The following PROM1 variants were observed in gnomAD, a reference collection of about 807,000 sequenced individuals.
PROM1 encodes the protein prominin 1, also known as prominin-1.
In PROM1, 105 loss-of-function variants were observed where a neutral mutation model predicts 116.9. The ratio of observed to expected loss-of-function variants is 0.90; its 90% CI spans 0.77 to 1.06. The LOEUF (loss-of-function observed/expected upper bound fraction) is 1.06. Among genes scored for constraint, PROM1 ranks in the 50% least tolerant of loss-of-function variants. The probability of loss-of-function intolerance (pLI) is 0.00; values close to 1 mark genes in which losing one functional copy is unlikely to be tolerated. For missense variants in PROM1, 1,122 were observed against 1,045.2 expected, an observed-to-expected ratio of 1.07 and a Z score of -1.01; for synonymous variants, 393 against 387.0, an observed-to-expected ratio of 1.02 and a Z score of -0.18.
chr4:16,051,631 G>T (rs931101400), intron 2 of PROM1, among the ~76,000 whole-genome samples: 2 of 152,174 alleles, frequency 1.3e-5, no homozygotes, highest in African/African-American at 4.8e-5. Context: ...GATGTGCTTT[G>T]TGAGTTCAGA....
chr4:16,030,702 T>A (rs1240269170), intron 5 of PROM1, among the ~76,000 whole-genome samples: 3 of 152,150 alleles, frequency 2.0e-5, no homozygotes, highest in African/African-American at 7.2e-5. Flanking sequence ...ATAACATGCA[T>A]AACACATAAC....
intron 2 of PROM1, among the ~76,000 whole-genome samples, chr4:16,072,863 A>AC: frequency 6.6e-6 from 1 of 152,266 alleles, no homozygotes; most frequent in East Asian, 1.9e-4. Flanking sequence ...AGCTGATGCC[A>AC]CCCAGATAGA....
chr4:15,993,530 C>T (rs1367819644), intron 16 of PROM1, among the ~76,000 whole-genome samples: 1 of 152,104 alleles, frequency 6.6e-6, no homozygotes, highest in Non-Finnish European at 1.5e-5. Flanking sequence ...CACTGGAGTC[C>T]TGGGGCCACC....
intron 26 of PROM1, among the ~76,000 whole-genome samples, chr4:15,976,930 C>T (rs115377077): frequency 0.016 from 2,457 of 152,290 alleles, 57 homozygotes; most frequent in African/African-American, 0.056. Flanking sequence ...GGCAGTGCTG[C>T]TCCAGCCCTG....
intron 3 of PROM1, chr4:16,038,066 C>G (rs149941891): frequency 7.2e-4 from 109 of 152,268 alleles, no homozygotes; most frequent in African/African-American, 2.5e-3. Context: ...GTGAGAAGAG[C>G]GCCCACCCAT....
chr4:16,052,631 C>G (rs996617331), intron 2 of PROM1, among the ~76,000 whole-genome samples: 3 of 152,142 alleles, frequency 2.0e-5, no homozygotes, highest in African/African-American at 7.2e-5. Context: ...GTGCACAACA[C>G]CAACATGCCT....
chr4:16,008,347 G>C (rs931925090), intron 12 of PROM1, among the ~76,000 whole-genome samples: 2 of 152,122 alleles, frequency 1.3e-5, no homozygotes, highest in East Asian at 3.9e-4. Flanking sequence ...CCCACCACTC[G>C]CATTTTCTAA....
At chr4:15,979,297 G>A (rs1277575466) in intron 26 of PROM1, 98 bp downstream of exon 26, 2 of 1,573,734 alleles carry the variant, frequency 1.3e-6, no homozygotes, top group African/African-American at 2.7e-5. Context: ...ACAGAGAGAA[G>A]TGAAGGCATC....
At chr4:16,001,085 G>A (rs1723726109) in intron 13 of PROM1, among the ~76,000 whole-genome samples, 1 of 152,210 alleles carries the variant, frequency 6.6e-6, no homozygotes. Context: ...CATTGCAGAG[G>A]CTGTTATCAT....
intron 13 of PROM1, among the ~76,000 whole-genome samples, chr4:16,002,988 A>C (rs1009701697): frequency 6.6e-6 from 1 of 152,218 alleles, no homozygotes; most frequent in African/African-American, 2.4e-5. Flanking sequence ...AAAAAGAACA[A>C]GAATATGCGA....
chr4:16,015,156 G>A (rs1387524033), intron 10 of PROM1, among the ~76,000 whole-genome samples: 1 of 151,866 alleles, frequency 6.6e-6, no homozygotes, highest in Non-Finnish European at 1.5e-5. Context: ...GACCAGCCTG[G>A]CCAACATGGC....
At position 16,005,495 on chromosome 4, in the gene PROM1, G is replaced by GGTGT. The variant is rs3221933; in HGVS notation, c.1454+1039_1454+1042dup. ...GTGACCCAAAGTTTTTTGTTTGTTT[G>GGTGT]GTGTGTGTGTGTGTGTGTGTGTGTG... On this transcript the variant is annotated intron_variant, in intron 13 of 27. Transcript: ENST00000447510. Among the ~76,000 whole-genome samples, 313 of 145,894 alleles carry GGTGT rather than the reference G, an allele frequency of 2.1e-3. 1 individual carries two copies. The highest frequency in any genetic ancestry group is 2.6e-3 in the Non-Finnish European group (173 of 66,720).
chr4:15,993,614 A>G (rs574424482), intron 16 of PROM1, among the ~76,000 whole-genome samples: 1 of 152,330 alleles, frequency 6.6e-6, no homozygotes, highest in South Asian at 2.1e-4. Flanking sequence ...AGAGACTGGC[A>G]GAAAGGGAGG....
At chr4:15,994,121 C>T (rs779621935) in intron 15 of PROM1, 50 bp from the exon 16 acceptor site, 3 of 1,610,914 alleles carry the variant, frequency 1.9e-6, no homozygotes, top group Middle Eastern at 1.7e-4. Flanking sequence ...GTTGCAGCTA[C>T]CTCTGTCCAC....
chr4:15,988,908 C>T (rs1007712058), intron 19 of PROM1, among the ~76,000 whole-genome samples: 3 of 152,096 alleles, frequency 2.0e-5, no homozygotes, highest in Non-Finnish European at 2.9e-5. Context: ...TTGGGATGTT[C>T]GGATGTTTGG....
intron 13 of PROM1, among the ~76,000 whole-genome samples, chr4:16,001,679 T>C (rs1444305685): frequency 6.6e-6 from 1 of 151,958 alleles, no homozygotes; most frequent in Non-Finnish European, 1.5e-5. Flanking sequence ...TTGAAACAAG[T>C]GCAGTCATGG....
At chr4:16,023,687 C>T (rs916016687) in intron 7 of PROM1, among the ~76,000 whole-genome samples, 16 of 152,200 alleles carry the variant, frequency 1.1e-4, no homozygotes, top group African/African-American at 3.9e-4. Flanking sequence ...CTAACCTCTT[C>T]GGCTAGACCA....
intron 27 of PROM1, among the ~76,000 whole-genome samples, 193 bp from the exon 28 acceptor site, chr4:15,969,561 T>C (rs940998478): frequency 6.6e-6 from 1 of 152,116 alleles, no homozygotes; most frequent in Admixed American, 6.6e-5. Context: ...AAAAAAACTT[T>C]GTGGTTTTTG....
intron 3 of PROM1, 108 bp from the exon 4 acceptor site, chr4:16,035,869 C>T: frequency 9.8e-7 from 1 of 1,016,702 alleles, no homozygotes; most frequent in South Asian, 1.3e-5. Context: ...ATTCATATCC[C>T]ACAAGGAGGA....
Sources: gnomAD v4.1 joint callset for allele counts (sites outside exome capture counted in the v4.1 genomes callset) on GRCh38, gnomAD v4.1.1 for gene constraint, MANE v1.5 for transcripts, NCBI Gene and HGNC (gene_info 2026-07-23, HGNC 2026-07-21) for gene names.